Variants in DIAPH3 observed in about 807,000 individuals in gnomAD.
The protein encoded by DIAPH3 is diaphanous related formin 3.
In DIAPH3, 117 loss-of-function variants were observed where a neutral mutation model predicts 144.3. That is an observed-to-expected ratio of 0.81 (90% CI 0.70 to 0.95). DIAPH3 has a LOEUF of 0.95. DIAPH3 is among the 40% of genes least tolerant of loss of function. DIAPH3 has a pLI of 0.00. For missense variants in DIAPH3, 1,421 were observed against 1,412.7 expected, an observed-to-expected ratio of 1.01 and a Z score of -0.09; for synonymous variants, 519 against 488.9, an observed-to-expected ratio of 1.06 and a Z score of -0.81.
At chr13:60,055,940 G>A (rs1362336098) in intron 4 of DIAPH3, among the ~76,000 whole-genome samples, 3 of 151,616 alleles carry the variant, frequency 2.0e-5, no homozygotes, top group African/African-American at 7.3e-5. Flanking sequence ...TTTTAGTATA[G>A]TCCTCCTTGT....
At chr13:60,077,192 TG>T (rs1329906228) in intron 4 of DIAPH3, among the ~76,000 whole-genome samples, 4 of 151,980 alleles carry the variant, frequency 2.6e-5, no homozygotes, top group Non-Finnish European at 5.9e-5. Flanking sequence ...AAACAACCTT[TG>T]TGTCCTAAAA....
At chr13:59,742,330 G>A (rs2036495580) in intron 27 of DIAPH3, among the ~76,000 whole-genome samples, 2 of 151,976 alleles carry the variant, frequency 1.3e-5, no homozygotes, top group South Asian at 4.2e-4. Flanking sequence ...CAAAGAAACA[G>A]GAAAATTTGC....
intron 20 of DIAPH3, among the ~76,000 whole-genome samples, chr13:59,890,665 T>G (rs938831121): frequency 2.6e-5 from 4 of 152,008 alleles, no homozygotes; most frequent in Non-Finnish European, 4.4e-5. Context: ...TCTTTCTCTC[T>G]TCTTCTCCAC....
At chr13:59,903,741 A>G (rs777873333) in intron 20 of DIAPH3, among the ~76,000 whole-genome samples, 1 of 152,230 alleles carries the variant, frequency 6.6e-6, no homozygotes, top group Admixed American at 6.5e-5. Flanking sequence ...AAAAATACTC[A>G]AAATGATTTT....
chr13:59,918,940 AAT>A (rs370595473), intron 18 of DIAPH3, among the ~76,000 whole-genome samples: 25,447 of 103,050 alleles, frequency 0.25, 2,767 homozygotes, highest in South Asian at 0.43. Flanking sequence ...ACTTCAAGAA[AAT>A]ACAAAAAAAA....
chr13:59,924,894 G>A (rs1411805812), intron 17 of DIAPH3, 24 bp from the exon 18 acceptor site: 1 of 1,590,112 alleles, frequency 6.3e-7, no homozygotes, highest in South Asian at 1.1e-5. Flanking sequence ...ATAGATCCAT[G>A]TTAGGGGCAG....
chr13:59,676,986 C>T (rs2032676443), intron 27 of DIAPH3, among the ~76,000 whole-genome samples: 2 of 152,028 alleles, frequency 1.3e-5, no homozygotes, highest in Admixed American at 6.6e-5. Flanking sequence ...GCAATATGTT[C>T]AAGTAGTAAG....
intron 27 of DIAPH3, among the ~76,000 whole-genome samples, chr13:59,740,111 A>T (rs1052431085): frequency 6.6e-6 from 1 of 152,188 alleles, no homozygotes; most frequent in African/African-American, 2.4e-5. Flanking sequence ...TACACCATTC[A>T]CATTTTTGAT....
chr13:59,800,090 T>C (rs1375775395), intron 25 of DIAPH3, among the ~76,000 whole-genome samples: 2 of 152,158 alleles, frequency 1.3e-5, no homozygotes, highest in Non-Finnish European at 2.9e-5. Context: ...TGACCTCAAA[T>C]TGGAGCAGGC....
chr13:59,715,463 T>A (rs1280371141), intron 27 of DIAPH3, among the ~76,000 whole-genome samples: 1 of 152,196 alleles, frequency 6.6e-6, no homozygotes, highest in Non-Finnish European at 1.5e-5. Context: ...TATAGACACA[T>A]AACACGCAAG....
At chr13:59,672,131 G>C (rs890641344) in intron 27 of DIAPH3, among the ~76,000 whole-genome samples, 1 of 152,208 alleles carries the variant, frequency 6.6e-6, no homozygotes, top group Non-Finnish European at 1.5e-5. Context: ...TATGCTTCTT[G>C]AGCTAAGAAG....
intron 20 of DIAPH3, among the ~76,000 whole-genome samples, chr13:59,885,021 T>C (rs2045344119): frequency 6.6e-6 from 1 of 152,118 alleles, no homozygotes; most frequent in Non-Finnish European, 1.5e-5. Context: ...CTCCACTTAG[T>C]CAAGAAATAA....
rs184286454 is a variant in DIAPH3, at chr13:60,089,527, A to C, written c.495+4101T>G. ...TCAGGCAGTTGTGGTTTACAAGAGC[A>C]TTCTCTGTTCTGGTCCAGAATTTTC... On this transcript the variant is annotated intron_variant, in intron 4 of 27. Coordinates refer to ENST00000400324, the MANE Select transcript of DIAPH3 (RefSeq NM_001042517.2). 1.3e-5 allele frequency among the ~76,000 whole-genome samples: 2 copies of C among 152,294 alleles called. 1 individual carries two copies. Among genetic ancestry groups the C allele is most frequent in the African/African-American group, 4.8e-5 (2 of 41,554 alleles).
intron 21 of DIAPH3, among the ~76,000 whole-genome samples, chr13:59,876,398 G>C (rs910522727): frequency 3.9e-5 from 6 of 152,126 alleles, no homozygotes; most frequent in Admixed American, 3.3e-4. Flanking sequence ...AGAAAATAAA[G>C]TCAACTCTTT....
chr13:59,670,541 A>G (rs1381747435), intron 27 of DIAPH3, among the ~76,000 whole-genome samples: 1 of 151,678 alleles, frequency 6.6e-6, no homozygotes, highest in Non-Finnish European at 1.5e-5. Flanking sequence ...CACTATAATT[A>G]GAGATAGTGC....
Position 59,839,449 on chromosome 13 carries a change from C to A in DIAPH3, c.2738-1G>T, listed in dbSNP as rs1173953170. The A allele has an allele frequency of 1.9e-6, 3 of 1,612,302 alleles. No individual in the cohort carries two copies. Among genetic ancestry groups the A allele is most frequent in the Non-Finnish European group, 2.5e-6 (3 of 1,179,258 alleles). On this transcript the variant is annotated splice_acceptor_variant, in intron 22 of 27. Transcript: ENST00000400324. LOFTEE classifies it high-confidence loss of function. Reference sequence around the variant, plus strand: ...TTCTTTTCCAGCGTTTCTACAGAGACTAAAAGAGAGTATATTAAATGCCCG... The same window carrying A: ...TTCTTTTCCAGCGTTTCTACAGAGAATAAAAGAGAGTATATTAAATGCCCG...
At chr13:60,097,405 A>C (rs2058137009) in intron 3 of DIAPH3, among the ~76,000 whole-genome samples, 1 of 151,942 alleles carries the variant, frequency 6.6e-6, no homozygotes, top group African/African-American at 2.4e-5. Flanking sequence ...GAACCTCCCC[A>C]CCACCTTCTC....
chr13:59,837,356 C>T (rs1316537274), intron 23 of DIAPH3, among the ~76,000 whole-genome samples: 2 of 151,974 alleles, frequency 1.3e-5, no homozygotes, highest in Non-Finnish European at 2.9e-5. Flanking sequence ...TTTCAAGAAG[C>T]CGACATCATT....
chr13:60,139,741 A>G (rs1373457318), intron 1 of DIAPH3, among the ~76,000 whole-genome samples: 2 of 152,222 alleles, frequency 1.3e-5, no homozygotes, highest in African/African-American at 2.4e-5. Context: ...TCATTCTAAC[A>G]TAACTCCAAT....
Sources: allele counts gnomAD v4.1 joint callset (sites outside exome capture counted in the v4.1 genomes callset), GRCh38; gene constraint gnomAD v4.1.1; transcripts MANE v1.5; gene names NCBI Gene and HGNC (gene_info 2026-07-23, HGNC 2026-07-21).